Variants in ARHGAP39 observed in about 807,000 individuals in gnomAD.
ARHGAP39 encodes rho GTPase-activating protein 39.
A neutral mutation model predicts 106.9 loss-of-function variants in ARHGAP39; 44 were observed. The ratio of observed to expected loss-of-function variants is 0.41; its 90% CI spans 0.32 to 0.53. The LOEUF (loss-of-function observed/expected upper bound fraction) is 0.53, where lower values mean the gene tolerates loss of function less well. Ranked by LOEUF, ARHGAP39 falls within the 20% of genes least tolerant of loss-of-function variation. The pLI, the probability that ARHGAP39 is intolerant of heterozygous loss-of-function variation, is 0.21. For synonymous variants in ARHGAP39, 768 were observed against 693.2 expected (o/e 1.11, Z -1.69); for missense variants, 1,496 against 1,577.3 (o/e 0.95, Z 0.87).
At chr8:144,610,331 T>C (rs1051988614) in intron 1 of ARHGAP39, among the ~76,000 whole-genome samples, 1 of 152,224 alleles carries the variant, frequency 6.6e-6, no homozygotes, top group Admixed American at 6.5e-5. Flanking sequence ...GTTTGTTTCC[T>C]TTCTTTTGCA....
intron 1 of ARHGAP39, among the ~76,000 whole-genome samples, chr8:144,608,156 CAAAA>C (rs60966946): frequency 5.2e-5 from 5 of 96,324 alleles, no homozygotes; most frequent in Non-Finnish European, 7.9e-5. Flanking sequence ...GACTCTGTCT[CAAAA>C]AAAAAAAAAA....
chr8:144,635,830 T>C (rs1057425735), intron 1 of ARHGAP39, among the ~76,000 whole-genome samples: 3 of 137,264 alleles, frequency 2.2e-5, no homozygotes, highest in African/African-American at 8.4e-5. Flanking sequence ...AGGTAGACAG[T>C]GTGGGGACTG....
At chr8:144,698,727 T>C in the ARHGAP39 span, 6 of 434,066 alleles carry the variant, frequency 1.4e-5, no homozygotes, top group Admixed American at 1.5e-4. Context: ...TGGCACAGTC[T>C]GTACTGAGAG....
intron 3 of ARHGAP39, among the ~76,000 whole-genome samples, chr8:144,562,760 G>A (rs563729646): frequency 7.7e-5 from 11 of 142,396 alleles, no homozygotes; most frequent in African/African-American, 3.2e-4. Flanking sequence ...GGTTTCCATT[G>A]GACTCCAGTG....
rs534966583 is a variant in ARHGAP39, at chr8:144,619,402, G to A, written c.-81-13707C>T. On this transcript the variant is annotated intron_variant, in intron 1 of 11. Transcript: ENST00000377307. ...AGAGGGAGAGTGTGTGCCCATGTGC[G>A]TGTGCGCCCGTGTGCGTGAGCCCGT... 7.9e-5 allele frequency among the ~76,000 whole-genome samples: 12 copies of A among 152,232 alleles called. No individual in the cohort carries two copies. The South Asian group carries it at 1.9e-3, about 24-fold the overall frequency.
At chr8:144,640,817 A>G (rs1291419843) in intron 1 of ARHGAP39, among the ~76,000 whole-genome samples, 2 of 152,182 alleles carry the variant, frequency 1.3e-5, no homozygotes, top group African/African-American at 4.8e-5. Context: ...AATCCCGATA[A>G]ATAGCCATTA....
Position 144,670,531 on chromosome 8 carries a change from G to A in ARHGAP39, c.-82+15155C>T, listed in dbSNP as rs972502118. On this transcript the variant is annotated intron_variant, in intron 1 of 11. Coordinates refer to ENST00000377307, the MANE Select transcript of ARHGAP39 (RefSeq NM_025251.3). The surrounding 1 kb of genome is among the most constrained non-coding windows in gnomAD (Gnocchi z 4.4). ...AAAAGCCTGGGCAAGGCTTCAAGAA[G>A]ACTATTTTGGGTGGGCTCTTGGTGC... 6.6e-6 allele frequency among the ~76,000 whole-genome samples: 1 copy of A among 152,144 alleles called. No homozygotes were observed. Among genetic ancestry groups the A allele is most frequent in the African/African-American group, 2.4e-5 (1 of 41,430 alleles).
intron 1 of ARHGAP39, among the ~76,000 whole-genome samples, chr8:144,639,886 A>AATAT (rs1430624051): frequency 6.6e-6 from 1 of 152,202 alleles, no homozygotes; most frequent in Non-Finnish European, 1.5e-5. Context: ...TTCTTGTATA[A>AATAT]AGGGTGTTTG....
chr8:144,643,521 C>T lies in ARHGAP39; in HGVS notation c.-81-37826G>A, dbSNP rs1018569671. On this transcript the variant is annotated intron_variant, in intron 1 of 11. Transcript: ENST00000377307. ...GTGCCCAGCTCTCTGCCCCTCCAGC[C>T]ACCACTTTGGTTCTCACCCCGCATG... Among the ~76,000 whole-genome samples the T allele has an allele frequency of 4.2e-4, 64 of 152,138 alleles. 1 individual carries two copies. The highest frequency in any genetic ancestry group is 4.1e-3 in the Admixed American group (62 of 15,260).
chr8:144,636,464 C>G (rs1405666133), intron 1 of ARHGAP39, among the ~76,000 whole-genome samples: 1 of 152,172 alleles, frequency 6.6e-6, no homozygotes, highest in Non-Finnish European at 1.5e-5. Context: ...ACTATGGGGT[C>G]TGCAGGAACC....
chr8:144,547,419 T>G lies in ARHGAP39; in HGVS notation c.1667A>C (p.Gln556Pro). ...CTGCGCCTCCCAGGCCAGCCGAGCC[T>G]GCGCCAGGAAGGGCTCGGCCGCGCC... ...ARGAAEPFLA[Q>P]ARLAWEAQQA... is the part of the protein sequence containing the mutation. The change falls in exon 5 of 12, where the codon CAG becomes CCG. Residue 556 changes from glutamine (Q) to proline (P), a missense_variant. By Grantham distance (76) the Gln-to-Pro change is moderately conservative. Transcript: ENST00000377307. The surrounding 1 kb of genome is among the most constrained non-coding windows in gnomAD (Gnocchi z 5.2). 6.3e-7 allele frequency: 1 copy of G among 1,591,582 alleles called. No homozygotes were observed. The highest frequency in any genetic ancestry group is 8.5e-7 in the Non-Finnish European group (1 of 1,175,744).
intron 1 of ARHGAP39, among the ~76,000 whole-genome samples, chr8:144,638,551 G>A (rs1473218125): frequency 1.3e-5 from 2 of 152,238 alleles, no homozygotes; most frequent in Middle Eastern, 6.8e-3. Context: ...TCCCCGTCTT[G>A]TTAACTCTTG....
At chr8:144,543,017 A>C (rs1041346499) in intron 6 of ARHGAP39, among the ~76,000 whole-genome samples, 1 of 151,092 alleles carries the variant, frequency 6.6e-6, no homozygotes, top group Non-Finnish European at 1.5e-5. Context: ...GCTGGAGTGC[A>C]GGAGTGCAGT....
intron 2 of ARHGAP39, among the ~76,000 whole-genome samples, chr8:144,589,742 A>C (rs143640004): frequency 0.02 from 3,026 of 152,334 alleles, 74 homozygotes; most frequent in Admixed American, 0.064. Flanking sequence ...GAGACACCCA[A>C]GACGAGCTCG....
chr8:144,546,993 G>T, intron 5 of ARHGAP39, 134 bp downstream of exon 5: 1 of 1,156,060 alleles, frequency 8.7e-7, no homozygotes, highest in Non-Finnish European at 1.2e-6. Flanking sequence ...GGGCCCCGGA[G>T]ACACGGGGCT....
At chr8:144,599,755 A>C (rs1819773769) in intron 2 of ARHGAP39, among the ~76,000 whole-genome samples, 1 of 152,258 alleles carries the variant, frequency 6.6e-6, no homozygotes, top group African/African-American at 2.4e-5. Flanking sequence ...TTAGGAACAC[A>C]GGATGAGCCA....
intron 3 of ARHGAP39, among the ~76,000 whole-genome samples, chr8:144,569,656 A>G (rs1463432794): frequency 6.6e-6 from 1 of 152,212 alleles, no homozygotes; most frequent in Non-Finnish European, 1.5e-5. Context: ...GGAGGGGAAC[A>G]GGAGGGCAAG....
intron 2 of ARHGAP39, among the ~76,000 whole-genome samples, chr8:144,602,558 G>A (rs1488249677): frequency 2.0e-4 from 29 of 145,212 alleles, no homozygotes; most frequent in Admixed American, 8.3e-4. Flanking sequence ...GGAGGCGTGC[G>A]TGCGAGCTCG....
chr8:144,637,411 A>G (rs1821198288), intron 1 of ARHGAP39, among the ~76,000 whole-genome samples: 1 of 152,120 alleles, frequency 6.6e-6, no homozygotes, highest in Non-Finnish European at 1.5e-5. Flanking sequence ...AGAGATTGAG[A>G]TTATCCTGGC....
Sources: gnomAD v4.1 joint callset for allele counts (sites outside exome capture counted in the v4.1 genomes callset) on GRCh38, gnomAD v4.1.1 for gene constraint, Gnocchi (gnomAD v3.1) non-coding constraint, MANE v1.5 for transcripts, NCBI Gene and HGNC (gene_info 2026-07-23, HGNC 2026-07-21) for gene names.